Variants in CTNND2 observed in about 807,000 individuals in gnomAD.
The protein encoded by CTNND2 is catenin delta-2.
In CTNND2, 22 loss-of-function variants were observed where a neutral mutation model predicts 144.4. The ratio of observed to expected loss-of-function variants is 0.15; its 90% CI spans 0.11 to 0.22. The LOEUF is 0.22. CTNND2 is among the 10% of genes least tolerant of loss of function. CTNND2 has a pLI of 1.00. For synonymous variants in CTNND2, 751 were observed against 695.6 expected, an observed-to-expected ratio of 1.08 and a Z score of -1.25; for missense variants, 1,353 against 1,618.8, an observed-to-expected ratio of 0.84 and a Z score of 2.82.
intron 2 of CTNND2, among the ~76,000 whole-genome samples, chr5:11,587,844 C>T (rs541531406): frequency 7.2e-5 from 11 of 152,120 alleles, no homozygotes; most frequent in Admixed American, 3.3e-4. Context: ...AAATATAATT[C>T]CACAGATTGT....
chr5:11,662,057 A>G (rs1783240778), intron 2 of CTNND2, among the ~76,000 whole-genome samples: 1 of 150,756 alleles, frequency 6.6e-6, no homozygotes, highest in South Asian at 2.1e-4. Flanking sequence ...ATATATACAT[A>G]TTTCTGAAAC....
At chr5:11,519,444 T>G (rs1772513731) in intron 3 of CTNND2, among the ~76,000 whole-genome samples, 2 of 151,956 alleles carry the variant, frequency 1.3e-5, no homozygotes, top group African/African-American at 4.8e-5. Flanking sequence ...ATCTTTGAAG[T>G]TCTCTATTCC....
Position 11,834,813 on chromosome 5 carries a change from T to C in CTNND2, c.37+69004A>G, listed in dbSNP as rs976095392. 7.9e-5 allele frequency among the ~76,000 whole-genome samples: 12 copies of C among 152,268 alleles called. No homozygotes were observed. The East Asian group carries it at 1.9e-3, about 25-fold the overall frequency. On this transcript the variant is annotated intron_variant, in intron 1 of 21. Coordinates refer to ENST00000304623, the MANE Select transcript of CTNND2 (RefSeq NM_001332.4). ...GAATTTGCCCCCTTTCAACATGATA[T>C]CCCTCATAGAAAACATAGGACTAAA...
intron 18 of CTNND2, among the ~76,000 whole-genome samples, chr5:11,012,746 C>G (rs1197567970): frequency 6.6e-6 from 1 of 152,152 alleles, no homozygotes; most frequent in Admixed American, 6.5e-5. Context: ...GTAGGATGAG[C>G]CTTTCAGACA....
At chr5:11,321,433 A>G (rs1752021011) in intron 9 of CTNND2, among the ~76,000 whole-genome samples, 1 of 152,206 alleles carries the variant, frequency 6.6e-6, no homozygotes, top group Admixed American at 6.5e-5. Flanking sequence ...AACAGTAGCC[A>G]CCAAGCCAGG....
At chr5:11,067,944 G>C (rs773401694) in intron 16 of CTNND2, among the ~76,000 whole-genome samples, 5 of 152,034 alleles carry the variant, frequency 3.3e-5, no homozygotes, top group Non-Finnish European at 7.4e-5. Context: ...ATTTAAGCTG[G>C]TTTTGACTCT....
intron 3 of CTNND2, among the ~76,000 whole-genome samples, chr5:11,515,274 A>T (rs1772060685): frequency 6.6e-6 from 1 of 152,170 alleles, no homozygotes; most frequent in Non-Finnish European, 1.5e-5. Context: ...TAAAAGTGAC[A>T]CTGGAAGGTT....
intron 16 of CTNND2, among the ~76,000 whole-genome samples, chr5:11,040,291 T>C (rs1352679046): frequency 6.6e-6 from 1 of 152,008 alleles, no homozygotes; most frequent in Non-Finnish European, 1.5e-5. Context: ...GTAGCACATA[T>C]AAGATCCTAT....
intron 14 of CTNND2, among the ~76,000 whole-genome samples, chr5:11,109,960 T>C (rs1752792931): frequency 6.6e-6 from 1 of 152,226 alleles, no homozygotes; most frequent in Non-Finnish European, 1.5e-5. Context: ...TGTACGCACC[T>C]GTTTTTATAT....
chr5:11,378,101 G>A (rs967664771), intron 7 of CTNND2, among the ~76,000 whole-genome samples: 1 of 152,130 alleles, frequency 6.6e-6, no homozygotes. Context: ...ACTATAACAT[G>A]GGGTCCTGGA....
At chr5:11,487,006 G>A (rs989072852) in intron 3 of CTNND2, among the ~76,000 whole-genome samples, 42 of 152,166 alleles carry the variant, frequency 2.8e-4, no homozygotes, top group Non-Finnish European at 4.7e-4. Context: ...CTGTACTTAT[G>A]TTCACATAAA....
At chr5:11,128,654 T>C (rs529482436) in intron 12 of CTNND2, among the ~76,000 whole-genome samples, 2 of 139,470 alleles carry the variant, frequency 1.4e-5, no homozygotes, top group South Asian at 4.4e-4. Flanking sequence ...AGTGGGCACA[T>C]GCAAGTTTCA....
At chr5:11,071,629 T>A (rs962652282) in intron 16 of CTNND2, among the ~76,000 whole-genome samples, 7 of 151,268 alleles carry the variant, frequency 4.6e-5, no homozygotes, top group African/African-American at 7.3e-5. Flanking sequence ...CAGGAAACAC[T>A]GACTAGTCTG....
chr5:11,240,981 GCACACACACCCAA>G (rs991954947), intron 9 of CTNND2, among the ~76,000 whole-genome samples: 3 of 113,300 alleles, frequency 2.6e-5, no homozygotes, highest in Admixed American at 9.1e-5. Context: ...CCCACATCAT[GCACACACACCCAA>G]CACACACACC....
intron 7 of CTNND2, among the ~76,000 whole-genome samples, chr5:11,381,808 A>AATG (rs1758508668): frequency 1.3e-5 from 2 of 152,046 alleles, no homozygotes; most frequent in Admixed American, 6.5e-5. Flanking sequence ...TCTACTAAAA[A>AATG]TACAAAAAAT....
intron 11 of CTNND2, among the ~76,000 whole-genome samples, chr5:11,170,258 A>T (rs1759764147): frequency 6.6e-6 from 1 of 152,210 alleles, no homozygotes; most frequent in Admixed American, 6.5e-5. Flanking sequence ...TTCAAGCAGA[A>T]TATATGAACA....
chr5:10,992,675 A>C lies in CTNND2; in HGVS notation c.3087T>G (p.Asp1029Glu). 1 of 1,613,992 alleles carries C rather than the reference A, an allele frequency of 6.2e-7. No individual in the cohort carries two copies. Among genetic ancestry groups the C allele is most frequent in the Non-Finnish European group, 8.5e-7 (1 of 1,179,970 alleles). The change falls in exon 19 of 22, where the codon GAT (aspartate) becomes GAG (glutamate). Residue 1029 changes from aspartate (D) to glutamate (E), a missense_variant and splice_region_variant. Coordinates refer to ENST00000304623, the MANE Select transcript of CTNND2 (RefSeq NM_001332.4). ...CTACAAAGTGGTATTGTGACCATCC[A>C]TCCTGCAAAACACAGCACGCTCCTG... ...YRDLRSLYKK[D>E]GWSQYHFVAS...
At chr5:11,530,243 A>G (rs1773621026) in intron 3 of CTNND2, among the ~76,000 whole-genome samples, 1 of 152,022 alleles carries the variant, frequency 6.6e-6, no homozygotes, top group South Asian at 2.1e-4. Flanking sequence ...ACCAACCAAA[A>G]GCTCCCTTTA....
At chr5:11,781,712 T>C (rs1790550106) in intron 1 of CTNND2, among the ~76,000 whole-genome samples, 1 of 152,152 alleles carries the variant, frequency 6.6e-6, no homozygotes, top group Admixed American at 6.5e-5. Context: ...CCAGGTAAAA[T>C]AAACATTTCA....
Sources: gnomAD v4.1 joint callset for allele counts (sites outside exome capture counted in the v4.1 genomes callset) on GRCh38, gnomAD v4.1.1 for gene constraint, MANE v1.5 for transcripts, NCBI Gene and HGNC (gene_info 2026-07-23, HGNC 2026-07-21) for gene names.